The following THADA variants were observed in gnomAD, a reference collection of about 807,000 sequenced individuals.
THADA encodes the protein tRNA (32-2'-O)-methyltransferase regulator THADA.
In THADA, 213 loss-of-function variants were observed where a neutral mutation model predicts 219.8. The ratio of observed to expected loss-of-function variants is 0.97; its 90% CI spans 0.87 to 1.09. THADA has a LOEUF of 1.09. THADA is among the 50% of genes least tolerant of loss of function. The pLI is 0.00. For missense variants in THADA, 2,956 were observed against 2,311.3 expected (o/e 1.28, Z -5.72); for synonymous variants, 1,018 against 828.9 (o/e 1.23, Z -3.92).
At position 43,590,857 on chromosome 2, in the gene THADA, C is replaced by G. The variant is rs779082057; in HGVS notation, c.269G>C (p.Ser90Thr). ...DILAGIYLSL[S>T]LKNPLKKVLA... ...TACTTTCTTCAAGGGATTCTTTAGA[C>G]TCAAAGAAAGATAAATGCCTGCTAA... Residue 90 changes from serine (S) to threonine (T), a missense_variant, in exon 4 of 38, where the codon AGT becomes ACT. Coordinates refer to ENST00000405975, the MANE Select transcript of THADA (RefSeq NM_022065.5). 6.2e-7 allele frequency: 1 copy of G among 1,613,576 alleles called. No homozygotes were observed. Among genetic ancestry groups the G allele is most frequent in the Non-Finnish European group, 8.5e-7 (1 of 1,179,794 alleles).
Position 43,231,004 on chromosome 2 carries a change from C to A in THADA, c.5806G>T (p.Asp1936Tyr). Residue 1936 changes from aspartate to tyrosine, a missense_variant, in exon 38 of 38, where the codon GAC (aspartate) becomes TAC (tyrosine). By Grantham distance (160) the Asp-to-Tyr change is radical (BLOSUM62 -3). Transcript: ENST00000405975. ...GEDTLVLSVWDSYAESRQLTL... is the reference protein window; with the variant it reads ...GEDTLVLSVWYSYAESRQLTL... ...AACTGCCTCGATTCTGCATAAGAGTCCCAAACACTGAGAACTAGGGTGTCT... is the reference window on the plus strand; with the variant it reads ...AACTGCCTCGATTCTGCATAAGAGTACCAAACACTGAGAACTAGGGTGTCT... 6.2e-7 allele frequency: 1 copy of A among 1,613,898 alleles called. No individual in the cohort carries two copies. The highest frequency in any genetic ancestry group is 8.5e-7 in the Non-Finnish European group (1 of 1,179,868).
chr2:43,241,278 C>T (rs577830584), intron 36 of THADA, among the ~76,000 whole-genome samples: 4 of 151,772 alleles, frequency 2.6e-5, no homozygotes, highest in African/African-American at 4.8e-5. Flanking sequence ...TTTGTAGAGA[C>T]GGGTTTTGCC....
At chr2:43,395,771 A>C (rs1290143226) in intron 29 of THADA, among the ~76,000 whole-genome samples, 1 of 152,054 alleles carries the variant, frequency 6.6e-6, no homozygotes, top group Admixed American at 6.6e-5. Flanking sequence ...TTCTTTTTTG[A>C]GACAGAGTCT....
intron 36 of THADA, among the ~76,000 whole-genome samples, chr2:43,265,729 G>A (rs890537501): frequency 1.3e-5 from 2 of 152,044 alleles, no homozygotes; most frequent in East Asian, 1.9e-4. Flanking sequence ...AAAACAACCC[G>A]AATCCTTTTC....
intron 36 of THADA, among the ~76,000 whole-genome samples, chr2:43,259,236 G>A (rs1274197506): frequency 3.3e-5 from 5 of 152,192 alleles, no homozygotes; most frequent in Non-Finnish European, 7.4e-5. Context: ...TACTGCCCTT[G>A]CTAGGGGGCC....
chr2:43,428,245 T>A lies in THADA; in HGVS notation c.3927-14A>T. On this transcript the variant is annotated splice_polypyrimidine_tract_variant and intron_variant, in intron 27 of 37. Transcript: ENST00000405975. ...TCTCCCATATCACTGAAACAACAAT[T>A]ATTACACATGAAAGATTTCACATTT... 6.3e-7 allele frequency: 1 copy of A among 1,580,500 alleles called. No homozygotes were observed. Among genetic ancestry groups the A allele is most frequent in the South Asian group, 1.1e-5 (1 of 87,738 alleles).
chr2:43,301,647 A>G (rs1396358178), intron 31 of THADA, among the ~76,000 whole-genome samples: 2 of 152,202 alleles, frequency 1.3e-5, no homozygotes, highest in African/African-American at 4.8e-5. Context: ...TCTCTTGCAC[A>G]GTGGTTCTCA....
At chr2:43,450,686 C>G (rs935722871) in intron 26 of THADA, among the ~76,000 whole-genome samples, 1 of 151,958 alleles carries the variant, frequency 6.6e-6, no homozygotes, top group Non-Finnish European at 1.5e-5. Flanking sequence ...AAGAGATTGG[C>G]AGAATGGATA....
chr2:43,298,839 G>C (rs1675908084), intron 31 of THADA, among the ~76,000 whole-genome samples: 1 of 151,976 alleles, frequency 6.6e-6, no homozygotes, highest in Non-Finnish European at 1.5e-5. Context: ...AATGAAGGTA[G>C]ACATTCCTTT....
chr2:43,282,737 A>T (rs968499890), intron 35 of THADA, among the ~76,000 whole-genome samples: 1 of 152,222 alleles, frequency 6.6e-6, no homozygotes, highest in African/African-American at 2.4e-5. Flanking sequence ...GACACAATTT[A>T]AAAAATTTTA....
At chr2:43,270,979 C>A (rs1465937633) in intron 36 of THADA, among the ~76,000 whole-genome samples, 1 of 152,168 alleles carries the variant, frequency 6.6e-6, no homozygotes, top group Admixed American at 6.5e-5. Flanking sequence ...GTTCTCCTTC[C>A]CCTGTCCCCC....
intron 36 of THADA, among the ~76,000 whole-genome samples, chr2:43,250,851 G>C (rs974638561): frequency 6.6e-6 from 1 of 152,324 alleles, no homozygotes; most frequent in African/African-American, 2.4e-5. Flanking sequence ...GGAATGGGCA[G>C]GAAAGTGGGC....
chr2:43,487,487 G>A (rs562121146), intron 25 of THADA, among the ~76,000 whole-genome samples: 20 of 152,188 alleles, frequency 1.3e-4, no homozygotes, highest in Non-Finnish European at 2.4e-4. Flanking sequence ...TCAATAGACT[G>A]ACGGCAGGAG....
chr2:43,362,282 G>A lies in THADA; in HGVS notation c.4228-18045C>T, dbSNP rs141861155. Among the ~76,000 whole-genome samples the A allele has an allele frequency of 8.0e-3, 1,215 of 152,254 alleles. 10 individuals are homozygous for A. The highest frequency in any genetic ancestry group is 0.02 in the Middle Eastern group (6 of 294). ...CTTACATTTGCAGTCCTACTTCAAAGGGTATGAATTATGGGTGCATGTGTT... is the reference window on the plus strand; with the variant it reads ...CTTACATTTGCAGTCCTACTTCAAAAGGTATGAATTATGGGTGCATGTGTT... On this transcript the variant is annotated intron_variant, in intron 29 of 37. Coordinates refer to ENST00000405975, the MANE Select transcript of THADA (RefSeq NM_022065.5).
intron 29 of THADA, among the ~76,000 whole-genome samples, chr2:43,389,222 T>G (rs1444017664): frequency 6.6e-6 from 1 of 152,236 alleles, no homozygotes; most frequent in Non-Finnish European, 1.5e-5. Context: ...CACTCTTACC[T>G]ACTACCTGAA....
intron 30 of THADA, among the ~76,000 whole-genome samples, chr2:43,328,683 A>C (rs546503481): frequency 1.3e-5 from 2 of 152,262 alleles, no homozygotes; most frequent in South Asian, 4.1e-4. Flanking sequence ...GGGGAATGTA[A>C]TCTGTGAAAG....
chr2:43,294,029 T>C (rs1675061835), intron 31 of THADA, among the ~76,000 whole-genome samples: 1 of 152,234 alleles, frequency 6.6e-6, no homozygotes, highest in South Asian at 2.1e-4. Flanking sequence ...TTTTTTGACG[T>C]GGTCTACTGA....
chr2:43,502,913 A>C (rs1329256585), intron 24 of THADA, among the ~76,000 whole-genome samples: 1 of 152,186 alleles, frequency 6.6e-6, no homozygotes, highest in African/African-American at 2.4e-5. Context: ...TATTAAAGTA[A>C]GCAAAGTCTT....
chr2:43,547,056 G>A, intron 20 of THADA, among the ~76,000 whole-genome samples: 1 of 151,872 alleles, frequency 6.6e-6, no homozygotes, highest in Non-Finnish European at 1.5e-5. Flanking sequence ...AGCTCTTTTA[G>A]GGCAGGCCTG....
Sources: gnomAD v4.1 joint callset for allele counts (sites outside exome capture counted in the v4.1 genomes callset) on GRCh38, gnomAD v4.1.1 for gene constraint, MANE v1.5 for transcripts, NCBI Gene and HGNC (gene_info 2026-07-23, HGNC 2026-07-21) for gene names.